The following OPRD1 variants were observed in gnomAD, a reference collection of about 807,000 sequenced individuals.
OPRD1 encodes opioid receptor delta 1.
A neutral mutation model predicts 17.5 loss-of-function variants in OPRD1; 19 were observed. That is an observed-to-expected ratio of 1.09 (90% CI 0.76 to 1.60). The LOEUF (loss-of-function observed/expected upper bound fraction) is 1.60, where lower values mean the gene tolerates loss of function less well. Among genes scored for constraint, OPRD1 ranks in the 40% most tolerant of loss-of-function variants. The probability of loss-of-function intolerance (pLI) is 0.00; values close to 1 mark genes in which losing one functional copy is unlikely to be tolerated. For synonymous variants in OPRD1, 256 were observed against 240.9 expected (o/e 1.06, Z -0.58); for missense variants, 483 against 547.2 (o/e 0.88, Z 1.17).
rs2147753980 is a variant in OPRD1, at chr1:28,866,316, G to A, written c.*3033G>A. 1 of 152,374 alleles carries A rather than the reference G, an allele frequency of 6.6e-6. No individual in the cohort carries two copies. Among genetic ancestry groups the A allele is most frequent in the East Asian group, 1.9e-4 (1 of 5,190 alleles). 9.4% of individuals were successfully genotyped at this position (152,374 alleles called of 1,614,324 possible). A position where few individuals can be genotyped will look rare whatever the true frequency, so the allele number is the denominator to read the frequency against. On this transcript the variant is annotated 3_prime_UTR_variant, in exon 3 of 3. Transcript: ENST00000234961. Reference sequence around the variant, plus strand: ...CTGTAAGAGGTGGAAAAGGGTCGGGGACCCTGAAGGATGAATAGGAGTTGG... The same window carrying A: ...CTGTAAGAGGTGGAAAAGGGTCGGGAACCCTGAAGGATGAATAGGAGTTGG...
Position 28,862,802 on chromosome 1 carries a change from C to G in OPRD1, c.638C>G (p.Thr213Ser), listed in dbSNP as rs760005368. The G allele has an allele frequency of 1.2e-6, 2 of 1,613,678 alleles. No homozygotes were observed. Among genetic ancestry groups the G allele is most frequent in the Admixed American group, 3.3e-5 (2 of 60,030 alleles). The change falls in exon 3 of 3, where the codon ACC (threonine) becomes AGC (serine). Residue 213 changes from threonine (T) to serine (S), a missense_variant. Thr to Ser is a moderately conservative substitution (Grantham distance 58, BLOSUM62 1). Transcript: ENST00000234961. ...PSPSWYWDTVTKICVFLFAFV... is the reference protein window; with the variant it reads ...PSPSWYWDTVSKICVFLFAFV... ...CCCAGCTGGTACTGGGACACGGTGA[C>G]CAAGATCTGCGTGTTCCTCTTCGCC...
intron 1 of OPRD1, among the ~76,000 whole-genome samples, chr1:28,838,114 G>A (rs886171431): frequency 7.9e-5 from 12 of 152,110 alleles, no homozygotes; most frequent in Non-Finnish European, 7.4e-5. Context: ...AGTTGTGTAA[G>A]CACTGAGTCC....
chr1:28,820,199 T>TTTC (rs1242019959), intron 1 of OPRD1, among the ~76,000 whole-genome samples: 3 of 149,156 alleles, frequency 2.0e-5, no homozygotes, highest in Admixed American at 1.3e-4. Flanking sequence ...CTAGATTTTT[T>TTTC]TTTTTTTTTT....
At chr1:28,840,605 G>T (rs972549263) in intron 1 of OPRD1, among the ~76,000 whole-genome samples, 1 of 152,158 alleles carries the variant, frequency 6.6e-6, no homozygotes, top group Non-Finnish European at 1.5e-5. Context: ...AACACTGTCT[G>T]CCCCATAGTG....
intron 1 of OPRD1, among the ~76,000 whole-genome samples, chr1:28,829,282 T>C (rs2088792869): frequency 6.7e-6 from 1 of 149,326 alleles, no homozygotes; most frequent in African/African-American, 2.5e-5. Flanking sequence ...AGGCTTTGGC[T>C]TAAGGGAATG....
chr1:28,854,289 T>G (rs2147747620), intron 1 of OPRD1, among the ~76,000 whole-genome samples: 1 of 152,218 alleles, frequency 6.6e-6, no homozygotes, highest in East Asian at 1.9e-4. Flanking sequence ...TGCAGTAGCA[T>G]TATCAGAGCT....
At chr1:28,855,142 G>T (rs1050937359) in intron 1 of OPRD1, among the ~76,000 whole-genome samples, 8 of 152,174 alleles carry the variant, frequency 5.3e-5, no homozygotes, top group South Asian at 4.1e-4. Flanking sequence ...GCTAGAGAGA[G>T]TTGGTGGGGA....
intron 1 of OPRD1, among the ~76,000 whole-genome samples, chr1:28,832,359 G>A (rs1027930351): frequency 2.0e-5 from 3 of 152,098 alleles, no homozygotes; most frequent in Admixed American, 6.6e-5. Context: ...TAATCAAGTC[G>A]GTAGGAGGCC....
chr1:28,839,083 G>A (rs2088875716), intron 1 of OPRD1, among the ~76,000 whole-genome samples: 1 of 152,030 alleles, frequency 6.6e-6, no homozygotes, highest in East Asian at 1.9e-4. Flanking sequence ...CCCTGGGGCT[G>A]CCAAAATAAA....
intron 1 of OPRD1, among the ~76,000 whole-genome samples, chr1:28,822,360 G>A (rs544135251): frequency 2.0e-5 from 3 of 152,234 alleles, no homozygotes; most frequent in South Asian, 4.1e-4. Flanking sequence ...GTAGACACTG[G>A]GAAACCACTG....
At chr1:28,844,372 C>T (rs1256946351) in intron 1 of OPRD1, among the ~76,000 whole-genome samples, 1 of 152,044 alleles carries the variant, frequency 6.6e-6, no homozygotes, top group Non-Finnish European at 1.5e-5. Flanking sequence ...CTCACTGCAG[C>T]CTCGACCTCC....
intron 1 of OPRD1, among the ~76,000 whole-genome samples, chr1:28,822,526 G>T (rs972408321): frequency 6.6e-6 from 1 of 152,030 alleles, no homozygotes; most frequent in Non-Finnish European, 1.5e-5. Context: ...TGTTGCACAG[G>T]TTGGAGTGCA....
chr1:28,853,549 G>A (rs2089027647), intron 1 of OPRD1, among the ~76,000 whole-genome samples: 1 of 152,150 alleles, frequency 6.6e-6, no homozygotes, highest in African/African-American at 2.4e-5. Context: ...AAATAGCCAC[G>A]TAAGCATATT....
At chr1:28,820,358 C>G (rs2088702296) in intron 1 of OPRD1, among the ~76,000 whole-genome samples, 1 of 151,786 alleles carries the variant, frequency 6.6e-6, no homozygotes, top group Admixed American at 6.6e-5. Flanking sequence ...ACATACTAGG[C>G]TAATTTTTGT....
chr1:28,828,140 A>G (rs901067552), intron 1 of OPRD1, among the ~76,000 whole-genome samples: 4 of 152,170 alleles, frequency 2.6e-5, no homozygotes, highest in Admixed American at 6.5e-5. Flanking sequence ...CTGTAACCTT[A>G]CAAAATGTAT....
At chr1:28,852,245 A>C (rs1024150932) in intron 1 of OPRD1, among the ~76,000 whole-genome samples, 1 of 151,922 alleles carries the variant, frequency 6.6e-6, no homozygotes, top group African/African-American at 2.4e-5. Context: ...CTCATAGCTC[A>C]CTAGGAAAAC....
chr1:28,838,337 T>C (rs1157205837), intron 1 of OPRD1, among the ~76,000 whole-genome samples: 1 of 152,192 alleles, frequency 6.6e-6, no homozygotes, highest in Non-Finnish European at 1.5e-5. Flanking sequence ...ACCTGAGACT[T>C]AGTTCCTAGG....
At position 28,812,623 on chromosome 1, in the gene OPRD1, C is replaced by T; in HGVS notation, c.227+13C>T. On this transcript the variant is annotated intron_variant, in intron 1 of 2. Coordinates refer to ENST00000234961, the MANE Select transcript of OPRD1 (RefSeq NM_000911.4). ...TCGGCATCGTCCGGTGAGTCCGCTG[C>T]GGGCCGGCGCCGCAGGGCTGGAGCC... The T allele has an allele frequency of 3.4e-6, 5 of 1,485,992 alleles. No individual in the cohort carries two copies. Among genetic ancestry groups the T allele is most frequent in the South Asian group, 1.3e-5 (1 of 78,892 alleles). 92.1% of individuals were successfully genotyped at this position (1,485,992 alleles called of 1,614,324 possible). A position where few individuals can be genotyped will look rare whatever the true frequency, so the allele number is the denominator to read the frequency against.
chr1:28,838,458 G>A (rs1455719879), intron 1 of OPRD1, among the ~76,000 whole-genome samples: 1 of 152,148 alleles, frequency 6.6e-6, no homozygotes, highest in Non-Finnish European at 1.5e-5. Flanking sequence ...TTCCCCATCT[G>A]TAAAGTGAGA....
Sources: gnomAD v4.1 joint callset for allele counts (sites outside exome capture counted in the v4.1 genomes callset) on GRCh38, gnomAD v4.1.1 for gene constraint, MANE v1.5 for transcripts, NCBI Gene and HGNC (gene_info 2026-07-23, HGNC 2026-07-21) for gene names.